IGFBP4: variants seen among roughly 807,000 people sequenced by gnomAD.
IGFBP4 encodes insulin-like growth factor-binding protein 4.
In IGFBP4, 9 loss-of-function variants were observed where a neutral mutation model predicts 25.8. That is an observed-to-expected ratio of 0.35 (90% CI 0.21 to 0.61). The LOEUF (loss-of-function observed/expected upper bound fraction) is 0.61. Among genes scored for constraint, IGFBP4 ranks in the 20% least tolerant of loss-of-function variants. IGFBP4 has a pLI of 0.77. For synonymous variants in IGFBP4, 153 were observed against 153.9 expected, an observed-to-expected ratio of 0.99 and a Z score of 0.05; for missense variants, 315 against 365.3, an observed-to-expected ratio of 0.86 and a Z score of 1.12.
chr17:40,450,674 A>G (rs2035677533), intron 1 of IGFBP4, among the ~76,000 whole-genome samples: 1 of 151,454 alleles, frequency 6.6e-6, no homozygotes, highest in South Asian at 2.1e-4. Context: ...AGTTAGGACC[A>G]CAGGCAGGTC....
intron 1 of IGFBP4, 76 bp downstream of exon 1, chr17:40,444,160 C>T (rs2035627558): frequency 9.0e-7 from 1 of 1,116,676 alleles, no homozygotes; most frequent in African/African-American, 1.6e-5. Context: ...TTCCAGCCGC[C>T]CTGGAAGGCC....
chr17:40,455,778 C>T (rs1329758073), intron 3 of IGFBP4, among the ~76,000 whole-genome samples: 1 of 152,150 alleles, frequency 6.6e-6, no homozygotes, highest in East Asian at 1.9e-4. Context: ...CCACTAGCTT[C>T]TTCCTCTGAT....
At position 40,453,195 on chromosome 17, in the gene IGFBP4, TGCCCCCTGCCCCCCAC is replaced by T; in HGVS notation, c.507+54_507+69del. 1.7e-6 allele frequency: 1 copy of T among 583,184 alleles called. No individual in the cohort carries two copies. The highest frequency in any genetic ancestry group is 3.3e-5 in the South Asian group (1 of 30,154). 36.1% of individuals were successfully genotyped at this position (583,184 alleles called of 1,614,324 possible). A position where few individuals can be genotyped will look rare whatever the true frequency, so the allele number is the denominator to read the frequency against. On this transcript the variant is annotated intron_variant, in intron 2 of 3. Transcript: ENST00000269593. The surrounding 1 kb of genome is among the most constrained non-coding windows in gnomAD (Gnocchi z 4.0). The stretch of plus-strand genomic sequence containing the variant: ...ATGTGCATAGACACACACACACACA[TGCCCCCTGCCCCCCAC>T]ATGCACGCACCCACACACACCATCA...
intron 1 of IGFBP4, among the ~76,000 whole-genome samples, chr17:40,448,357 C>T (rs1327542644): frequency 6.6e-6 from 1 of 152,260 alleles, no homozygotes; most frequent in Admixed American, 6.5e-5. Context: ...GCCTTCCCTT[C>T]CTCTGCTGCT....
At chr17:40,455,527 G>A (rs1193542409) in intron 3 of IGFBP4, among the ~76,000 whole-genome samples, 1 of 151,786 alleles carries the variant, frequency 6.6e-6, no homozygotes, top group Non-Finnish European at 1.5e-5. Flanking sequence ...TTGTTGCCGA[G>A]GCTGGAGTGC....
In IGFBP4 at chr17:40,453,204, C is replaced by T. The variant is rs2035696257; in HGVS notation, c.507+62C>T. On this transcript the variant is annotated intron_variant, in intron 2 of 3. Coordinates refer to ENST00000269593, the MANE Select transcript of IGFBP4 (RefSeq NM_001552.3). This position sits in a 1 kb window ranked among gnomAD's most constrained non-coding sequence, Gnocchi z 4.0. The stretch of plus-strand genomic sequence containing the variant: ...GACACACACACACACATGCCCCCTG[C>T]CCCCCACATGCACGCACCCACACAC... 4.0e-6 allele frequency: 5 copies of T among 1,237,784 alleles called. No homozygotes were observed. The highest frequency in any genetic ancestry group is 4.3e-6 in the Non-Finnish European group (4 of 926,718). The allele number at this position is 1,237,784 out of a possible 1,614,324, so 76.7% of individuals were successfully genotyped here.
At chr17:40,452,121 A>C (rs948857533) in intron 1 of IGFBP4, among the ~76,000 whole-genome samples, 1 of 152,164 alleles carries the variant, frequency 6.6e-6, no homozygotes, top group African/African-American at 2.4e-5. Context: ...TACAGGCATG[A>C]GCCACAATGC....
At chr17:40,455,485 ATT>A (rs758909396) in intron 3 of IGFBP4, among the ~76,000 whole-genome samples, 1 of 142,520 alleles carries the variant, frequency 7.0e-6, no homozygotes, top group Non-Finnish European at 1.5e-5. Context: ...TGTCAGGCTA[ATT>A]TTTTTTTTTT....
Position 40,447,004 on chromosome 17 carries a change from C to T in IGFBP4, c.349+2920C>T, listed in dbSNP as rs1369783288. ...TTTTTAGCCTTACACAGTCAGTAGG[C>T]CACTGTCTGCTTTAGGTCCCAAGGT... On this transcript the variant is annotated intron_variant, in intron 1 of 3. Transcript: ENST00000269593. 2.0e-5 allele frequency among the ~76,000 whole-genome samples: 3 copies of T among 152,256 alleles called. No homozygotes were observed. In the East Asian group the frequency reaches 5.8e-4, roughly 29 times the overall value.
intron 1 of IGFBP4, among the ~76,000 whole-genome samples, chr17:40,444,918 CACACACACAGAGACAGAGAGAGAG>C (rs2035633842): frequency 3.6e-5 from 3 of 84,156 alleles, no homozygotes; most frequent in African/African-American, 5.0e-5. Context: ...CACACACACA[CACACACACAGAGACAGAGAGAGAG>C]AGAGAGAGAG....
At chr17:40,450,280 G>A (rs542826690) in intron 1 of IGFBP4, among the ~76,000 whole-genome samples, 9 of 152,226 alleles carry the variant, frequency 5.9e-5, no homozygotes, top group Admixed American at 2.0e-4. Flanking sequence ...GATTACAGGC[G>A]TGAGCCACCC....
At chr17:40,455,287 G>A (rs1031281164) in intron 3 of IGFBP4, among the ~76,000 whole-genome samples, 7 of 151,736 alleles carry the variant, frequency 4.6e-5, no homozygotes, top group Non-Finnish European at 8.8e-5. Flanking sequence ...TTATATTAGG[G>A]TTCACTTTTT....
intron 1 of IGFBP4, among the ~76,000 whole-genome samples, chr17:40,451,804 T>C (rs1024024459): frequency 2.5e-4 from 38 of 152,292 alleles, no homozygotes; most frequent in African/African-American, 9.1e-4. Flanking sequence ...GACTCAAGCA[T>C]GGGGTTTTTC....
intron 1 of IGFBP4, among the ~76,000 whole-genome samples, chr17:40,446,367 G>A (rs777865577): frequency 3.1e-4 from 47 of 150,460 alleles, no homozygotes; most frequent in Non-Finnish European, 5.5e-4. Flanking sequence ...TGTAATCTCA[G>A]TATTTTGGGA....
Position 40,456,705 on chromosome 17 carries a change from C to T in IGFBP4, c.*122C>T. 1.0e-6 allele frequency: 1 copy of T among 982,104 alleles called. No individual in the cohort carries two copies. 60.8% of individuals were successfully genotyped at this position (982,104 alleles called of 1,614,324 possible). ...TCTCTGCCTGCGGCCCAGAAGTTTCCCTCAAATGCGCGTGTGCACGTGTGC... is the reference window on the plus strand; with the variant it reads ...TCTCTGCCTGCGGCCCAGAAGTTTCTCTCAAATGCGCGTGTGCACGTGTGC... On this transcript the variant is annotated 3_prime_UTR_variant, in exon 4 of 4. Transcript: ENST00000269593.
intron 1 of IGFBP4, among the ~76,000 whole-genome samples, chr17:40,451,207 T>A (rs138290941): frequency 6.6e-6 from 1 of 152,306 alleles, no homozygotes; most frequent in African/African-American, 2.4e-5. Context: ...TGGAGTCCCC[T>A]CTGGACTGTC....
chr17:40,456,370 C>T (rs1269370255), intron 3 of IGFBP4, 79 bp from the exon 4 acceptor site: 7 of 1,493,958 alleles, frequency 4.7e-6, no homozygotes, highest in African/African-American at 1.4e-5. Flanking sequence ...GGGGGCTGGG[C>T]TGGGCTGGGA....
At chr17:40,444,920 C>A (rs1400402731) in intron 1 of IGFBP4, among the ~76,000 whole-genome samples, 1 of 95,500 alleles carries the variant, frequency 1.0e-5, no homozygotes, top group Non-Finnish European at 2.0e-5. Context: ...CACACACACA[C>A]ACACACAGAG....
At chr17:40,454,874 G>A (rs72819630) in intron 3 of IGFBP4, among the ~76,000 whole-genome samples, 2,060 of 152,222 alleles carry the variant, frequency 0.014, 19 homozygotes, top group Non-Finnish European at 0.021. Flanking sequence ...CCATTTCCCT[G>A]CTCCATGAGC....
Sources: allele counts gnomAD v4.1 joint callset (sites outside exome capture counted in the v4.1 genomes callset), GRCh38; gene constraint gnomAD v4.1.1; non-coding constraint Gnocchi (gnomAD v3.1); transcripts MANE v1.5; gene names NCBI Gene and HGNC (gene_info 2026-07-23, HGNC 2026-07-21).